HABP4: variants seen among roughly 807,000 people sequenced by gnomAD.
The protein encoded by HABP4 is intracellular hyaluronan-binding protein 4.
In HABP4, 32 loss-of-function variants were observed where a neutral mutation model predicts 44.1. That is an observed-to-expected ratio of 0.73 (90% CI 0.55 to 0.97). The LOEUF (loss-of-function observed/expected upper bound fraction) is 0.97. Among genes scored for constraint, HABP4 ranks in the 50% least tolerant of loss-of-function variants. The pLI is 0.00. For missense variants in HABP4, 503 were observed against 561.9 expected, an observed-to-expected ratio of 0.90 and a Z score of 1.06; for synonymous variants, 216 against 218.0, an observed-to-expected ratio of 0.99 and a Z score of 0.08.
intron 4 of HABP4, among the ~76,000 whole-genome samples, chr9:96,470,233 C>T (rs1041715148): frequency 6.6e-5 from 10 of 152,024 alleles, no homozygotes; most frequent in African/African-American, 2.2e-4. Context: ...CTCTTGAGCC[C>T]GGGAGGTCGA....
At chr9:96,489,440 G>C (rs897814832) in intron 7 of HABP4, among the ~76,000 whole-genome samples, 2 of 148,270 alleles carry the variant, frequency 1.3e-5, no homozygotes, top group African/African-American at 5.0e-5. Flanking sequence ...AGGTCACACT[G>C]TTTCCCAATC....
At position 96,491,216 on chromosome 9, in the gene HABP4, C is replaced by T. The variant is rs868860029; in HGVS notation, c.*1178C>T. 2.6e-5 allele frequency: 4 copies of T among 152,256 alleles called. No individual in the cohort carries two copies. The highest frequency in any genetic ancestry group is 5.9e-5 in the Non-Finnish European group (4 of 68,094). The allele number at this position is 152,256 out of a possible 1,614,324, so 9.4% of individuals were successfully genotyped here. A position where few individuals can be genotyped will look rare whatever the true frequency, so the allele number is the denominator to read the frequency against. ...CCTGTTGTCACACAGTTCATATGCTCGCTTGAGATGGAATCTGAACCTTGG... is the reference window on the plus strand; with the variant it reads ...CCTGTTGTCACACAGTTCATATGCTTGCTTGAGATGGAATCTGAACCTTGG... On this transcript the variant is annotated 3_prime_UTR_variant, in exon 8 of 8. Transcript: ENST00000375249.
chr9:96,450,659 C>G lies in HABP4; in HGVS notation c.349+31C>G. ...CGGGGACAGCGGGGTTAGCGGACCA[C>G]GGCTCGGCCCGCTGTGAGACTGGGG... On this transcript the variant is annotated intron_variant, in intron 1 of 7. Coordinates refer to ENST00000375249, the MANE Select transcript of HABP4 (RefSeq NM_014282.4). This position sits in a 1 kb window ranked among gnomAD's most constrained non-coding sequence, Gnocchi z 4.8. 1 of 1,244,882 alleles carries G rather than the reference C, an allele frequency of 8.0e-7. No homozygotes were observed. Among genetic ancestry groups the G allele is most frequent in the Non-Finnish European group, 1.0e-6 (1 of 992,764 alleles). 77.1% of individuals were successfully genotyped at this position (1,244,882 alleles called of 1,614,324 possible).
chr9:96,453,466 C>T (rs1297036524), intron 1 of HABP4, among the ~76,000 whole-genome samples: 1 of 152,148 alleles, frequency 6.6e-6, no homozygotes, highest in African/African-American at 2.4e-5. Flanking sequence ...CCGCCTCAGC[C>T]TCCCAAAGTG....
chr9:96,456,779 A>T (rs1832394009), intron 1 of HABP4, among the ~76,000 whole-genome samples: 1 of 60,910 alleles, frequency 1.6e-5, no homozygotes, highest in East Asian at 5.6e-4. Flanking sequence ...AAAAAAAAAA[A>T]AATATATATA....
In HABP4 at chr9:96,465,321, A is replaced by G; in HGVS notation, c.513-16A>G. The G allele has an allele frequency of 6.4e-7, 1 of 1,574,456 alleles. No homozygotes were observed. The highest frequency in any genetic ancestry group is 8.7e-7 in the Non-Finnish European group (1 of 1,145,956). The stretch of plus-strand genomic sequence containing the variant: ...CCTTTAATTTACCAGTTTTTATTAT[A>G]TCCACTCCTTCCTAGACCAGGTGAT... On this transcript the variant is annotated splice_polypyrimidine_tract_variant and intron_variant, in intron 2 of 7. Transcript: ENST00000375249.
At chr9:96,468,321 G>T (rs1832640417) in intron 4 of HABP4, among the ~76,000 whole-genome samples, 1 of 147,964 alleles carries the variant, frequency 6.8e-6, no homozygotes, top group South Asian at 2.1e-4. Flanking sequence ...GCAGTGGCAT[G>T]ATCTCTGCTC....
chr9:96,453,351 G>C (rs898024793), intron 1 of HABP4, among the ~76,000 whole-genome samples: 1 of 151,984 alleles, frequency 6.6e-6, no homozygotes, highest in Non-Finnish European at 1.5e-5. Flanking sequence ...TGGGATTACA[G>C]GTGTGAGCTA....
intron 2 of HABP4, among the ~76,000 whole-genome samples, chr9:96,464,513 T>G (rs927686134): frequency 6.6e-6 from 1 of 152,226 alleles, no homozygotes; most frequent in Admixed American, 6.5e-5. Context: ...TTTTCCCTTC[T>G]GTGAATCTTG....
chr9:96,476,342 C>T (rs1035595833), intron 5 of HABP4, among the ~76,000 whole-genome samples: 1 of 152,174 alleles, frequency 6.6e-6, no homozygotes, highest in Admixed American at 6.5e-5. Flanking sequence ...GTTAGCTAGT[C>T]TCATCCATTT....
intron 4 of HABP4, among the ~76,000 whole-genome samples, chr9:96,467,808 G>A (rs185584459): frequency 1.5e-3 from 223 of 152,262 alleles, no homozygotes; most frequent in Non-Finnish European, 2.6e-3. Flanking sequence ...TTACAGGCGT[G>A]AGCTACCGTG....
intron 2 of HABP4, among the ~76,000 whole-genome samples, chr9:96,462,569 A>C (rs1198750667): frequency 1.3e-5 from 2 of 150,208 alleles, no homozygotes; most frequent in Non-Finnish European, 3.0e-5. Context: ...CTGAGATTGC[A>C]CCACTTCACT....
At chr9:96,469,813 G>T (rs747844222) in intron 4 of HABP4, among the ~76,000 whole-genome samples, 2 of 152,074 alleles carry the variant, frequency 1.3e-5, no homozygotes, top group African/African-American at 4.8e-5. Flanking sequence ...GAGCCACCGC[G>T]CCCGGATGAT....
At chr9:96,472,808 C>CT in intron 5 of HABP4, among the ~76,000 whole-genome samples, 1 of 152,344 alleles carries the variant, frequency 6.6e-6, no homozygotes, top group African/African-American at 2.4e-5. Flanking sequence ...TTATTCCTCC[C>CT]TTTAGTCCAG....
Position 96,460,976 on chromosome 9 carries a change from CA to C in HABP4, c.512+2439del, listed in dbSNP as rs1253469347. 1.5e-4 allele frequency among the ~76,000 whole-genome samples: 23 copies of C among 152,110 alleles called. No homozygotes were observed. In the East Asian group the frequency reaches 4.2e-3, roughly 28 times the overall value. On this transcript the variant is annotated intron_variant, in intron 2 of 7. Coordinates refer to ENST00000375249, the MANE Select transcript of HABP4 (RefSeq NM_014282.4). The stretch of plus-strand genomic sequence containing the variant: ...GTTTTATTTGTGACAAACTCACAAG[CA>C]AAAGGAAGGAAAATAACATTTGAGC...
intron 5 of HABP4, among the ~76,000 whole-genome samples, chr9:96,480,516 G>A (rs1365434116): frequency 6.6e-6 from 1 of 152,176 alleles, no homozygotes; most frequent in Non-Finnish European, 1.5e-5. Flanking sequence ...ACACAGCAAA[G>A]TTTAAAGAAT....
At chr9:96,485,903 T>G (rs142425289) in intron 6 of HABP4, among the ~76,000 whole-genome samples, 62 of 152,318 alleles carry the variant, frequency 4.1e-4, no homozygotes, top group Middle Eastern at 3.4e-3. Context: ...TAGTTTCATT[T>G]TCTGAGTGAG....
intron 1 of HABP4, chr9:96,451,493 G>T (rs1473616762): frequency 1.0e-6 from 1 of 984,094 alleles, no homozygotes; most frequent in South Asian, 4.7e-5. Context: ...AAGGTTTGCA[G>T]AGTGTTAGGA....
At position 96,489,986 on chromosome 9, in the gene HABP4, A is replaced by G. The variant is rs182885483; in HGVS notation, c.1190A>G (p.Gln397Arg). 3.2e-6 allele frequency: 5 copies of G among 1,583,218 alleles called. No homozygotes were observed. The Admixed American group carries it at 6.7e-5, about 21-fold the overall frequency. The change falls in exon 8 of 8, where the codon CAA (glutamine) becomes CGA (arginine). Residue 397 changes from glutamine (Q) to arginine (R), a missense_variant. By Grantham distance (43) the Gln-to-Arg change is conservative. Coordinates refer to ENST00000375249, the MANE Select transcript of HABP4 (RefSeq NM_014282.4). ...NYGPRAEVVM[Q>R]DVAPNPDDPE... ...AGTATTTCTTTTTTTCTTTAGATGC[A>G]AGATGTTGCCCCCAACCCAGATGAC... is the stretch of plus-strand genomic sequence containing the variant.
Sources: gnomAD v4.1 joint callset for allele counts (sites outside exome capture counted in the v4.1 genomes callset) on GRCh38, gnomAD v4.1.1 for gene constraint, Gnocchi (gnomAD v3.1) non-coding constraint, MANE v1.5 for transcripts, NCBI Gene and HGNC (gene_info 2026-07-23, HGNC 2026-07-21) for gene names.